SUSD6: variants seen among roughly 807,000 people sequenced by gnomAD.
SUSD6 encodes sushi domain-containing protein 6.
In SUSD6, 16 loss-of-function variants were observed where a neutral mutation model predicts 28.4. That is an observed-to-expected ratio of 0.56 (90% CI 0.38 to 0.86). The LOEUF (loss-of-function observed/expected upper bound fraction) is 0.86, where lower values mean the gene tolerates loss of function less well. SUSD6 is among the 40% of genes least tolerant of loss of function. The pLI, the probability that SUSD6 is intolerant of heterozygous loss-of-function variation, is 0.00. For synonymous variants in SUSD6, 147 were observed against 159.6 expected (o/e 0.92, Z 0.59); for missense variants, 341 against 384.2 (o/e 0.89, Z 0.94).
At chr14:69,649,315 C>T (rs1252276755) in intron 1 of SUSD6, among the ~76,000 whole-genome samples, 1 of 152,156 alleles carries the variant, frequency 6.6e-6, no homozygotes, top group Non-Finnish European at 1.5e-5. Flanking sequence ...TCAGCTTTAG[C>T]AAATCGGCTT....
At chr14:69,623,977 T>C (rs1885078305) in intron 1 of SUSD6, among the ~76,000 whole-genome samples, 1 of 152,144 alleles carries the variant, frequency 6.6e-6, no homozygotes, top group South Asian at 2.1e-4. Flanking sequence ...TTAAAAAATA[T>C]GTAGCCTAAG....
intron 2 of SUSD6, among the ~76,000 whole-genome samples, chr14:69,661,678 G>A (rs530496792): frequency 2.6e-5 from 4 of 152,278 alleles, no homozygotes; most frequent in East Asian, 3.9e-4. Flanking sequence ...CTGTATGGCC[G>A]TGCCTGGCAT....
intron 1 of SUSD6, among the ~76,000 whole-genome samples, chr14:69,614,408 G>A (rs922704125): frequency 2.0e-5 from 3 of 152,210 alleles, no homozygotes; most frequent in African/African-American, 7.2e-5. Context: ...CTCAGTAGGG[G>A]ATGTCCTCCT....
At chr14:69,696,842 C>A (rs1190531437) in intron 2 of SUSD6, among the ~76,000 whole-genome samples, 2 of 152,180 alleles carry the variant, frequency 1.3e-5, no homozygotes, top group Non-Finnish European at 2.9e-5. Flanking sequence ...GGAGAGGGTC[C>A]TTGGATCTTC....
chr14:69,707,738 C>A (rs1433960928), intron 4 of SUSD6, among the ~76,000 whole-genome samples: 1 of 152,036 alleles, frequency 6.6e-6, no homozygotes, highest in Non-Finnish European at 1.5e-5. Context: ...CAGAGTAAGA[C>A]CCTTTCTCAA....
chr14:69,636,605 T>C (rs1885269753), intron 1 of SUSD6, among the ~76,000 whole-genome samples: 1 of 152,262 alleles, frequency 6.6e-6, no homozygotes, highest in Non-Finnish European at 1.5e-5. Context: ...CTATCTCCGG[T>C]ACTGCCATGT....
chr14:69,634,002 C>G (rs963787633), intron 1 of SUSD6, among the ~76,000 whole-genome samples: 1 of 152,152 alleles, frequency 6.6e-6, no homozygotes, highest in African/African-American at 2.4e-5. Context: ...GTGACCAAGA[C>G]CTGAGAGAAA....
At chr14:69,645,561 C>A (rs1885413788) in intron 1 of SUSD6, among the ~76,000 whole-genome samples, 1 of 152,118 alleles carries the variant, frequency 6.6e-6, no homozygotes, top group African/African-American at 2.4e-5. Context: ...GAGAGACTTT[C>A]CATGGAAGAG....
chr14:69,694,919 C>G (rs1399600984), intron 2 of SUSD6, among the ~76,000 whole-genome samples: 4 of 152,068 alleles, frequency 2.6e-5, no homozygotes, highest in Admixed American at 6.6e-5. Context: ...GGTGGGGGCC[C>G]GAGAAGAGCC....
chr14:69,638,295 T>A (rs553115647), intron 1 of SUSD6, among the ~76,000 whole-genome samples: 50 of 152,244 alleles, frequency 3.3e-4, no homozygotes, highest in Middle Eastern at 3.4e-3. Context: ...GGACTGTAAT[T>A]TAGCTTGTGC....
chr14:69,710,808 T>G (rs1886450973), intron 5 of SUSD6, 146 bp from the exon 6 acceptor site: 9 of 691,518 alleles, frequency 1.3e-5, no homozygotes, highest in Non-Finnish European at 2.0e-5. Context: ...AGGGAGTTTT[T>G]GCCTACCTAG....
chr14:69,638,788 G>C (rs756275469), intron 1 of SUSD6, among the ~76,000 whole-genome samples: 3 of 151,852 alleles, frequency 2.0e-5, no homozygotes, highest in Non-Finnish European at 4.4e-5. Flanking sequence ...GACTGACCTA[G>C]GGAAGGCAAG....
At chr14:69,694,441 C>T (rs556977378) in intron 2 of SUSD6, among the ~76,000 whole-genome samples, 33 of 152,292 alleles carry the variant, frequency 2.2e-4, no homozygotes, top group African/African-American at 6.0e-4. Flanking sequence ...AACCCCAGGC[C>T]GTGAAGTCTC....
chr14:69,615,042 T>A (rs1249028598), intron 1 of SUSD6, among the ~76,000 whole-genome samples: 5 of 152,144 alleles, frequency 3.3e-5, no homozygotes, highest in Non-Finnish European at 1.5e-5. Context: ...TAGAGGGTGT[T>A]CGCTCAAGCA....
chr14:69,614,959 A>G (rs112890196), intron 1 of SUSD6, among the ~76,000 whole-genome samples: 2,354 of 152,266 alleles, frequency 0.015, 24 homozygotes, highest in Middle Eastern at 0.037. Context: ...ATGACATGCT[A>G]TCTCCTAGTT....
At chr14:69,670,502 C>G (rs186703210) in intron 2 of SUSD6, 5 of 456,722 alleles carry the variant, frequency 1.1e-5, no homozygotes, top group African/African-American at 1.0e-4. Context: ...ACACTGAGAT[C>G]TAAAGGCAAG....
intron 2 of SUSD6, among the ~76,000 whole-genome samples, chr14:69,691,421 G>C (rs1886151305): frequency 6.6e-6 from 1 of 152,268 alleles, no homozygotes; most frequent in Middle Eastern, 3.4e-3. Flanking sequence ...AAGACCTATG[G>C]TGTTTTGCTG....
chr14:69,659,691 T>G (rs935358340), intron 2 of SUSD6, among the ~76,000 whole-genome samples: 1 of 152,168 alleles, frequency 6.6e-6, no homozygotes, highest in Non-Finnish European at 1.5e-5. Context: ...CTAATTTTTT[T>G]ATTATTTAGT....
chr14:69,702,145 G>A (rs907628837), intron 2 of SUSD6, among the ~76,000 whole-genome samples: 1 of 152,194 alleles, frequency 6.6e-6, no homozygotes, highest in Non-Finnish European at 1.5e-5. Flanking sequence ...AAAAGAAAAC[G>A]ACCGTTCTTA....
Sources: gnomAD v4.1 joint callset for allele counts (sites outside exome capture counted in the v4.1 genomes callset) on GRCh38, gnomAD v4.1.1 for gene constraint, MANE v1.5 for transcripts, NCBI Gene and HGNC (gene_info 2026-07-23, HGNC 2026-07-21) for gene names.